The following PTPRD variants were observed in gnomAD, a reference collection of about 807,000 sequenced individuals.
PTPRD encodes the protein protein tyrosine phosphatase receptor type D.
In PTPRD, 34 loss-of-function variants were observed where a neutral mutation model predicts 214.5. The ratio of observed to expected loss-of-function variants is 0.16; its 90% CI spans 0.12 to 0.21. The LOEUF (loss-of-function observed/expected upper bound fraction) is 0.21, where lower values mean the gene tolerates loss of function less well. Ranked by LOEUF, PTPRD falls within the 10% of genes least tolerant of loss-of-function variation. PTPRD has a pLI of 1.00. For missense variants in PTPRD, 2,545 were observed against 2,398.7 expected (o/e 1.06, Z -1.27); for synonymous variants, 1,128 against 845.7 (o/e 1.33, Z -5.79).
intron 11 of PTPRD, among the ~76,000 whole-genome samples, chr9:8,783,100 A>AT (rs1566024864): frequency 6.6e-6 from 1 of 152,238 alleles, no homozygotes; most frequent in African/African-American, 2.4e-5. Context: ...AAATTACAGC[A>AT]TATCAACATG....
chr9:10,607,446 G>A (rs1047935147), intron 2 of PTPRD, among the ~76,000 whole-genome samples: 1 of 151,824 alleles, frequency 6.6e-6, no homozygotes, highest in African/African-American at 2.4e-5. Context: ...GAGAACAGAT[G>A]TTTTTAAACA....
intron 9 of PTPRD, among the ~76,000 whole-genome samples, chr9:9,219,879 A>G (rs2099954670): frequency 6.6e-6 from 1 of 152,218 alleles, no homozygotes. Context: ...TCAGCAAAAC[A>G]TTGGGACTAT....
intron 14 of PTPRD, among the ~76,000 whole-genome samples, chr9:8,545,714 G>C (rs1593300071): frequency 6.6e-6 from 1 of 152,292 alleles, no homozygotes; most frequent in South Asian, 2.1e-4. Flanking sequence ...TCTACTGATT[G>C]ATCACCATTG....
At chr9:9,783,330 ATC>A (rs1385807824) in intron 5 of PTPRD, among the ~76,000 whole-genome samples, 6 of 152,154 alleles carry the variant, frequency 3.9e-5, no homozygotes, top group Non-Finnish European at 7.4e-5. Flanking sequence ...TGCATGAAAT[ATC>A]TGAGCTAATA....
At chr9:8,467,263 T>C (rs1031586426) in intron 31 of PTPRD, among the ~76,000 whole-genome samples, 7 of 151,866 alleles carry the variant, frequency 4.6e-5, no homozygotes, top group African/African-American at 1.7e-4. Context: ...ATAAATTCAG[T>C]TATGCTGATC....
intron 39 of PTPRD, among the ~76,000 whole-genome samples, chr9:8,356,502 G>T (rs892216255): frequency 1.3e-5 from 2 of 152,174 alleles, no homozygotes; most frequent in African/African-American, 4.8e-5. Flanking sequence ...CATGCAATAA[G>T]TTTCAGTGTT....
At chr9:9,947,157 C>G (rs1185386224) in intron 4 of PTPRD, among the ~76,000 whole-genome samples, 1 of 147,628 alleles carries the variant, frequency 6.8e-6, no homozygotes, top group Non-Finnish European at 1.5e-5. Context: ...GTACAAGAGG[C>G]ATATTCAGTA....
intron 5 of PTPRD, among the ~76,000 whole-genome samples, chr9:9,775,598 A>G (rs969391380): frequency 6.6e-6 from 1 of 152,156 alleles, no homozygotes; most frequent in Non-Finnish European, 1.5e-5. Context: ...CCCACCTTCA[A>G]TTTTATCTTC....
chr9:9,886,906 G>T (rs758875325), intron 5 of PTPRD, among the ~76,000 whole-genome samples: 1 of 152,114 alleles, frequency 6.6e-6, no homozygotes, highest in South Asian at 2.1e-4. Flanking sequence ...CCCAGATGGA[G>T]CAGGCCAGAT....
intron 3 of PTPRD, among the ~76,000 whole-genome samples, chr9:10,264,544 C>T (rs2093922080): frequency 1.3e-5 from 2 of 152,270 alleles, no homozygotes; most frequent in African/African-American, 4.8e-5. Context: ...CATTCTCTCC[C>T]ATTTGGAACA....
chr9:9,440,988 T>G (rs1318822431), intron 8 of PTPRD, among the ~76,000 whole-genome samples: 2 of 152,172 alleles, frequency 1.3e-5, no homozygotes, highest in African/African-American at 4.8e-5. Context: ...GTTAGCCTAG[T>G]CAATCTACAG....
chr9:8,497,999 G>A (rs1346606308), intron 25 of PTPRD, among the ~76,000 whole-genome samples: 7 of 152,044 alleles, frequency 4.6e-5, no homozygotes, highest in East Asian at 1.9e-4. Flanking sequence ...TTTATACTAC[G>A]ATAACTTTCT....
chr9:8,528,563 G>T (rs1265503894), intron 15 of PTPRD, 28 bp downstream of exon 15: 1 of 1,594,986 alleles, frequency 6.3e-7, no homozygotes, highest in African/African-American at 1.3e-5. Context: ...TTCTCTAGGA[G>T]TTAGTAGAAA....
chr9:10,355,448 A>G (rs1383553508), intron 2 of PTPRD, among the ~76,000 whole-genome samples: 1 of 151,566 alleles, frequency 6.6e-6, no homozygotes, highest in Admixed American at 6.6e-5. Flanking sequence ...TCTATAGACG[A>G]CACTTTAGAA....
intron 12 of PTPRD, among the ~76,000 whole-genome samples, chr9:8,726,734 G>A (rs2098579758): frequency 7.0e-6 from 1 of 143,080 alleles, no homozygotes; most frequent in Admixed American, 7.2e-5. Context: ...CCAGGAGATG[G>A]AGTTTGCAGT....
chr9:10,463,787 A>T (rs1429894747), intron 2 of PTPRD, among the ~76,000 whole-genome samples: 1 of 152,150 alleles, frequency 6.6e-6, no homozygotes, highest in Non-Finnish European at 1.5e-5. Context: ...AAGAGGTGTG[A>T]TCCAAGAACT....
intron 11 of PTPRD, among the ~76,000 whole-genome samples, chr9:8,786,929 G>C (rs2154500819): frequency 6.6e-6 from 1 of 152,058 alleles, no homozygotes. Context: ...TTTAGAGACA[G>C]GGTCTCACTC....
chr9:9,304,830 A>G (rs1195726050), intron 9 of PTPRD, among the ~76,000 whole-genome samples: 1 of 148,842 alleles, frequency 6.7e-6, no homozygotes, highest in East Asian at 2.0e-4. Context: ...TTTAATCTCC[A>G]CCCTCCAACG....
At chr9:10,254,092 T>C (rs1471313926) in intron 3 of PTPRD, among the ~76,000 whole-genome samples, 1 of 152,214 alleles carries the variant, frequency 6.6e-6, no homozygotes, top group Non-Finnish European at 1.5e-5. Context: ...ATCTAGCTAA[T>C]CATCATACTG....
Sources: gnomAD v4.1 joint callset for allele counts (sites outside exome capture counted in the v4.1 genomes callset) on GRCh38, gnomAD v4.1.1 for gene constraint, MANE v1.5 for transcripts, NCBI Gene and HGNC (gene_info 2026-07-23, HGNC 2026-07-21) for gene names.